GLB1: variants seen among roughly 807,000 people sequenced by gnomAD.
The protein encoded by GLB1 is galactosidase beta 1, also known as beta-galactosidase.
In GLB1, 56 loss-of-function variants were observed where a neutral mutation model predicts 74.0. The ratio of observed to expected loss-of-function variants is 0.76; its 90% CI spans 0.61 to 0.94. The LOEUF (loss-of-function observed/expected upper bound fraction) is 0.94, where lower values mean the gene tolerates loss of function less well. GLB1 is among the 40% of genes least tolerant of loss of function. The pLI, the probability that GLB1 is intolerant of heterozygous loss-of-function variation, is 0.00. For synonymous variants in GLB1, 323 were observed against 323.6 expected, an observed-to-expected ratio of 1.00 and a Z score of 0.02; for missense variants, 787 against 845.5, an observed-to-expected ratio of 0.93 and a Z score of 0.86.
At chr3:33,096,534 G>C (rs1214714425) in intron 1 of GLB1, 1 of 985,196 alleles carries the variant, frequency 1.0e-6, no homozygotes, top group Non-Finnish European at 1.2e-6. Context: ...GCACCCAGAG[G>C]GGAAATAACC....
At chr3:33,090,321 G>T in intron 1 of GLB1, 1 of 856,664 alleles carries the variant, frequency 1.2e-6, no homozygotes, top group Non-Finnish European at 1.4e-6. Flanking sequence ...GGATGGCAGA[G>T]TGGTCTCGTC....
chr3:32,988,845 GT>G, the GLB1 span, among the ~76,000 whole-genome samples: 5 of 149,200 alleles, frequency 3.4e-5, no homozygotes, highest in South Asian at 2.1e-4. Flanking sequence ...GTTTTTTCCT[GT>G]TTTTTTTTTC....
chr3:33,019,017 TACAAA>T (rs1697359704), intron 12 of GLB1, among the ~76,000 whole-genome samples: 1 of 152,170 alleles, frequency 6.6e-6, no homozygotes, highest in Non-Finnish European at 1.5e-5. Flanking sequence ...TGCTTTAACA[TACAAA>T]ACAAAAGGCA....
At chr3:33,063,132 A>G (rs1040316563) in intron 5 of GLB1, among the ~76,000 whole-genome samples, 6 of 152,218 alleles carry the variant, frequency 3.9e-5, no homozygotes, top group African/African-American at 9.6e-5. Context: ...TAGGACAACC[A>G]TGAAAGATGA....
At chr3:32,980,115 T>G in the GLB1 span, among the ~76,000 whole-genome samples, 1 of 152,248 alleles carries the variant, frequency 6.6e-6, no homozygotes. Context: ...CAATACATTA[T>G]TGTTAACTAT....
intron 1 of GLB1, among the ~76,000 whole-genome samples, chr3:33,074,336 G>GGAAA (rs1553612810): frequency 2.3e-4 from 8 of 35,234 alleles, no homozygotes; most frequent in African/African-American, 8.0e-4. Flanking sequence ...AAGGAAGGAA[G>GGAAA]GAAGGAAGGA....
rs181971321 is a variant in GLB1, at chr3:33,053,559, G to C, written c.734-10C>G. On this transcript the variant is annotated splice_polypyrimidine_tract_variant and intron_variant, in intron 6 of 15. Coordinates refer to ENST00000307363, the MANE Select transcript of GLB1 (RefSeq NM_000404.4). ...TCTGTGATGTTGCTGCCTGAAAATT[G>C]TAAGAGGGAGAAGGTAGGTCAGTCG... 1.2e-6 allele frequency: 2 copies of C among 1,614,160 alleles called. No individual in the cohort carries two copies. The highest frequency in any genetic ancestry group is 2.2e-5 in the East Asian group (1 of 44,882).
chr3:33,094,216 TC>T, intron 1 of GLB1: 1 of 1,575,296 alleles, frequency 6.3e-7, no homozygotes, highest in African/African-American at 1.3e-5. Context: ...CCTAGTAGGC[TC>T]CCCCACCAGT....
chr3:33,083,676 A>G (rs547926550), intron 1 of GLB1, among the ~76,000 whole-genome samples: 14 of 152,330 alleles, frequency 9.2e-5, no homozygotes, highest in Admixed American at 6.5e-4. Context: ...ACCAAAATTC[A>G]TAACTTCTCA....
the GLB1 span, among the ~76,000 whole-genome samples, chr3:32,968,452 AG>A: frequency 6.6e-6 from 1 of 152,308 alleles, no homozygotes; most frequent in African/African-American, 2.4e-5. Context: ...AGAAAAAAAA[AG>A]CTCAAATCTG....
Position 33,018,505 on chromosome 3 carries a change from T to A in GLB1, c.1290A>T (p.Ala430=). Reference sequence around the variant, plus strand: ...CTCCATTGAGGGGTGAAGAGAGAGGTGCTGGGTTGCTGCAATCTTGAGGAA... The same window carrying A: ...CTCCATTGAGGGGTGAAGAGAGAGGAGCTGGGTTGCTGCAATCTTGAGGAA... ...TTLPQDCSNP[A]PLSSPLNGVH... Residue 430 remains alanine, a synonymous_variant, in exon 13 of 16, where the codon GCA becomes GCT. Coordinates refer to ENST00000307363, the MANE Select transcript of GLB1 (RefSeq NM_000404.4). 1 of 1,613,894 alleles carries A rather than the reference T, an allele frequency of 6.2e-7. No individual in the cohort carries two copies. Among genetic ancestry groups the A allele is most frequent in the Non-Finnish European group, 8.5e-7 (1 of 1,180,002 alleles).
chr3:32,969,664 T>C, the GLB1 span, among the ~76,000 whole-genome samples: 1 of 152,078 alleles, frequency 6.6e-6, no homozygotes, highest in East Asian at 1.9e-4. Context: ...AAGAACTACA[T>C]TGAAGGAGGA....
the GLB1 span, among the ~76,000 whole-genome samples, chr3:32,965,094 T>C: frequency 2.6e-5 from 4 of 152,200 alleles, no homozygotes; most frequent in African/African-American, 9.7e-5. Context: ...GTCTCAGGTA[T>C]ATCCTTATTA....
chr3:32,998,995 A>C (rs1436865363), intron 15 of GLB1, among the ~76,000 whole-genome samples: 5 of 152,180 alleles, frequency 3.3e-5, no homozygotes, highest in Admixed American at 6.5e-5. Context: ...TCAATTTTTC[A>C]TACCAGTCAT....
At chr3:33,080,881 C>T (rs892615139) in intron 1 of GLB1, among the ~76,000 whole-genome samples, 7 of 152,212 alleles carry the variant, frequency 4.6e-5, no homozygotes, top group Non-Finnish European at 1.0e-4. Context: ...TGTGAGTCTG[C>T]ACCTTGTTGT....
At chr3:33,045,375 CT>C (rs1256757279) in intron 10 of GLB1, 1 of 984,852 alleles carries the variant, frequency 1.0e-6, no homozygotes, top group Non-Finnish European at 1.2e-6. Context: ...GCTACCTCTA[CT>C]TTTATATAAA....
chr3:33,095,289 C>T (rs1053936070), intron 1 of GLB1, among the ~76,000 whole-genome samples: 8 of 151,196 alleles, frequency 5.3e-5, no homozygotes, highest in African/African-American at 1.9e-4. Flanking sequence ...ATTTGAGAAC[C>T]GCTGGGTCAC....
intron 15 of GLB1, among the ~76,000 whole-genome samples, chr3:33,004,936 G>A (rs908791937): frequency 2.0e-5 from 3 of 152,200 alleles, no homozygotes; most frequent in Admixed American, 2.0e-4. Context: ...GCACATCTGT[G>A]AGGACAATCC....
intron 10 of GLB1, among the ~76,000 whole-genome samples, chr3:33,039,039 C>G (rs944735675): frequency 5.9e-5 from 9 of 151,890 alleles, no homozygotes; most frequent in African/African-American, 1.9e-4. Flanking sequence ...TACCTCTAAG[C>G]CCAGCACTTT....
Sources: allele counts gnomAD v4.1 joint callset (sites outside exome capture counted in the v4.1 genomes callset), GRCh38; gene constraint gnomAD v4.1.1; transcripts MANE v1.5; gene names NCBI Gene and HGNC (gene_info 2026-07-23, HGNC 2026-07-21).